Variants in RTN2 observed in about 807,000 individuals in gnomAD.
RTN2 encodes the protein reticulon 2, also known as reticulon-2.
RTN2 carries 36 observed loss-of-function variants against 63.7 expected under a neutral mutation model. The observed-to-expected ratio is 0.56, with a 90% confidence interval of 0.43 to 0.75. The LOEUF is 0.75. RTN2 is among the 30% of genes least tolerant of loss of function. The pLI, the probability that RTN2 is intolerant of heterozygous loss-of-function variation, is 0.00. For synonymous variants in RTN2, 312 were observed against 313.0 expected (o/e 1.00, Z 0.03); for missense variants, 673 against 705.1 (o/e 0.95, Z 0.52).
At chr19:45,491,532 ATT>A (rs372135117) in intron 5 of RTN2, among the ~76,000 whole-genome samples, 20 of 125,464 alleles carry the variant, frequency 1.6e-4, no homozygotes, top group Non-Finnish European at 1.5e-4. Flanking sequence ...GGCCTGGCTA[ATT>A]TTTTTTTTTT....
chr19:45,490,535 C>CTGTGTGTGTGTGTG (rs56279132), intron 5 of RTN2, among the ~76,000 whole-genome samples: 3,889 of 145,804 alleles, frequency 0.027, 76 homozygotes, highest in Middle Eastern at 0.059. Context: ...GGTTGTGTGT[C>CTGTGTGTGTGTGTG]TGTGTGTGTG....
chr19:45,495,839 G>A lies in RTN2; in HGVS notation c.35-700C>T, dbSNP rs573031043. ...GAGGTGAGAACAGAGAGGTAAGGGC[G>A]GTGGGGAGAGACAGACGAGGTGGTC... On this transcript the variant is annotated intron_variant, in intron 1 of 10. Transcript: ENST00000245923. 2.6e-4 allele frequency among the ~76,000 whole-genome samples: 39 copies of A among 152,308 alleles called. 1 individual carries two copies. The South Asian group carries it at 7.5e-3, about 29-fold the overall frequency.
chr19:45,496,952 G>A lies in RTN2; in HGVS notation c.-127C>T. The A allele has an allele frequency of 2.1e-6, 1 of 482,686 alleles. No homozygotes were observed. The highest frequency in any genetic ancestry group is 8.8e-5 in the South Asian group (1 of 11,306). 29.9% of individuals were successfully genotyped at this position (482,686 alleles called of 1,614,324 possible). On this transcript the variant is annotated 5_prime_UTR_variant, in exon 1 of 11. Coordinates refer to ENST00000245923, the MANE Select transcript of RTN2 (RefSeq NM_005619.5). The stretch of plus-strand genomic sequence containing the variant: ...GCCATTCTCGCCGCCTCCTCCTCCC[G>A]GGCTGCTCCAGCCGCCGCCGCCGCC...
intron 7 of RTN2, 49 bp downstream of exon 7, chr19:45,488,799 T>C (rs1056987883): frequency 6.3e-7 from 1 of 1,595,346 alleles, no homozygotes; most frequent in Admixed American, 1.8e-5. Context: ...CCCCTAGCCA[T>C]GCAGAGGTGA....
intron 5 of RTN2, among the ~76,000 whole-genome samples, chr19:45,489,920 C>G (rs1406145564): frequency 2.0e-5 from 3 of 152,236 alleles, no homozygotes; most frequent in African/African-American, 7.2e-5. Flanking sequence ...CTCCTGGCCT[C>G]AAGTTATCCT....
rs1187837171 is a variant in RTN2 at position 45,494,371 on chromosome 19, C to T, written c.609G>A (p.Leu203=). Residue 203 remains leucine (L), a synonymous_variant, in exon 4 of 11, where the codon TTG becomes TTA. Coordinates refer to ENST00000245923, the MANE Select transcript of RTN2 (RefSeq NM_005619.5). This position sits in a 1 kb window ranked among gnomAD's most constrained non-coding sequence, Gnocchi z 5.3. The part of the protein sequence containing the change: ...RLAQPSSPEV[L]TPQLSPGSGT... ...CAGAGCCCGGACTGAGCTGGGGAGT[C>T]AAGACCTCGGGCGATGAGGGCTGAG... is the stretch of plus-strand genomic sequence containing the variant. The T allele has an allele frequency of 1.9e-6, 3 of 1,613,904 alleles. No homozygotes were observed. The highest frequency in any genetic ancestry group is 2.5e-6 in the Non-Finnish European group (3 of 1,179,948).
At chr19:45,491,636 A>G (rs2122219404) in intron 5 of RTN2, among the ~76,000 whole-genome samples, 1 of 149,900 alleles carries the variant, frequency 6.7e-6, no homozygotes, top group East Asian at 2.0e-4. Flanking sequence ...GGTTCACGCC[A>G]TTCTCCTGCC....
chr19:45,493,431 A>G (rs1218016427), intron 4 of RTN2, 53 bp from the exon 5 acceptor site: 8 of 1,285,922 alleles, frequency 6.2e-6, no homozygotes, highest in African/African-American at 1.5e-5. Context: ...CAACTGGCCA[A>G]TAGATGTGGT....
In RTN2 at chr19:45,495,086, A is replaced by C. The variant is rs1419534131; in HGVS notation, c.79+9T>G. 1.2e-6 allele frequency: 2 copies of C among 1,613,936 alleles called. No homozygotes were observed. The highest frequency in any genetic ancestry group is 1.3e-5 in the African/African-American group (1 of 74,872). On this transcript the variant is annotated intron_variant, in intron 2 of 10. Transcript: ENST00000245923. ...CCCTGAGCCCCTTCACATGCTCCCC[A>C]CCACTTACCTTCTGTGGAATCAGGA...
intron 5 of RTN2, among the ~76,000 whole-genome samples, chr19:45,491,100 G>A (rs943679055): frequency 6.6e-6 from 1 of 151,622 alleles, no homozygotes; most frequent in Non-Finnish European, 1.5e-5. Context: ...GTGTTAGCCA[G>A]GATGGTCTTG....
chr19:45,495,218 A>G, intron 1 of RTN2, 79 bp from the exon 2 acceptor site: 2 of 1,528,202 alleles, frequency 1.3e-6, no homozygotes, highest in Non-Finnish European at 1.8e-6. Flanking sequence ...CTGGAATCTT[A>G]GAATATTTGA....
At chr19:45,487,349 T>G (rs938872349) in intron 9 of RTN2, among the ~76,000 whole-genome samples, 2 of 151,894 alleles carry the variant, frequency 1.3e-5, no homozygotes, top group Admixed American at 1.3e-4. Context: ...CTGGCCTGAT[T>G]TAAATACAGT....
chr19:45,491,763 C>A (rs895087708), intron 5 of RTN2, among the ~76,000 whole-genome samples: 15 of 151,956 alleles, frequency 9.9e-5, no homozygotes, highest in Non-Finnish European at 2.2e-4. Flanking sequence ...ATCTCCTGAC[C>A]TTGTGATCTG....
chr19:45,493,998 T>C, intron 4 of RTN2, 168 bp downstream of exon 4: 1 of 1,186,142 alleles, frequency 8.4e-7, no homozygotes, highest in East Asian at 2.4e-5. Context: ...CCGGGGAAAT[T>C]TTTTTAAAAA....
At chr19:45,492,705 T>C (rs1480517307) in intron 5 of RTN2, among the ~76,000 whole-genome samples, 1 of 152,144 alleles carries the variant, frequency 6.6e-6, no homozygotes, top group Non-Finnish European at 1.5e-5. Flanking sequence ...TCCGTCTCCT[T>C]CCAATGCATC....
At chr19:45,495,229 A>G (rs1414092528) in intron 1 of RTN2, 90 bp from the exon 2 acceptor site, 3 of 1,474,924 alleles carry the variant, frequency 2.0e-6, no homozygotes, top group African/African-American at 2.8e-5. Context: ...GAATATTTGA[A>G]TCACGGGATT....
chr19:45,487,032 CTTTTTTT>C lies in RTN2; in HGVS notation c.1498-926_1498-920del, dbSNP rs34799041. ...ACAAGCGTGAGCCACCATGCCCAGCCTTTTTTTTTTTTTTTTTTTTTTTTTTTTTAGA... is the reference window on the plus strand; with the variant it reads ...ACAAGCGTGAGCCACCATGCCCAGCCTTTTTTTTTTTTTTTTTTTTTTAGA... On this transcript the variant is annotated intron_variant, in intron 9 of 10. Coordinates refer to ENST00000245923, the MANE Select transcript of RTN2 (RefSeq NM_005619.5). Among the ~76,000 whole-genome samples, 31 of 39,178 alleles carry C rather than the reference CTTTTTTT, an allele frequency of 7.9e-4. 1 individual carries two copies. Among genetic ancestry groups the C allele is most frequent in the East Asian group, 5.6e-3 (6 of 1,078 alleles). The allele number at this position is 39,178 out of a possible 152,430, so 25.7% of individuals were successfully genotyped here.
intron 5 of RTN2, 29 bp downstream of exon 5, chr19:45,493,131 C>A (rs200214311): frequency 1.2e-5 from 20 of 1,601,224 alleles, no homozygotes; most frequent in Non-Finnish European, 1.7e-5. Context: ...CCGACCTCAG[C>A]CCCCGTCCAG....
chr19:45,497,040 G>A lies in RTN2; in HGVS notation c.-215C>T, dbSNP rs1380836410. 2 of 205,770 alleles carry A rather than the reference G, an allele frequency of 9.7e-6. No homozygotes were observed. The highest frequency in any genetic ancestry group is 1.9e-5 in the Non-Finnish European group (2 of 104,570). The allele number at this position is 205,770 out of a possible 1,614,324, so 12.7% of individuals were successfully genotyped here. Reference sequence around the variant, plus strand: ...GGGCGGGCGGGGCCGAGGTGGGGAAGGCACTGCAGCGCGCGGCCGGGGGCG... The same window carrying A: ...GGGCGGGCGGGGCCGAGGTGGGGAAAGCACTGCAGCGCGCGGCCGGGGGCG... On this transcript the variant is annotated 5_prime_UTR_variant, in exon 1 of 11. Transcript: ENST00000245923.
Sources: gnomAD v4.1 joint callset for allele counts (sites outside exome capture counted in the v4.1 genomes callset) on GRCh38, gnomAD v4.1.1 for gene constraint, Gnocchi (gnomAD v3.1) non-coding constraint, MANE v1.5 for transcripts, NCBI Gene and HGNC (gene_info 2026-07-23, HGNC 2026-07-21) for gene names.